Variants in PPP3CA observed in about 807,000 individuals in gnomAD.
The protein encoded by PPP3CA is CAM-PRP catalytic subunit.
In PPP3CA, 14 loss-of-function variants were observed where a neutral mutation model predicts 66.5. The ratio of observed to expected loss-of-function variants is 0.21; its 90% CI spans 0.14 to 0.33. The LOEUF is 0.33. Among genes scored for constraint, PPP3CA ranks in the 10% least tolerant of loss-of-function variants. The pLI, the probability that PPP3CA is intolerant of heterozygous loss-of-function variation, is 1.00. For missense variants in PPP3CA, 317 were observed against 639.5 expected, an observed-to-expected ratio of 0.50 and a Z score of 5.44; for synonymous variants, 232 against 226.2, an observed-to-expected ratio of 1.03 and a Z score of -0.23.
chr4:101,085,849 CACACACACAG>C (rs1435447127), intron 6 of PPP3CA, among the ~76,000 whole-genome samples: 8 of 147,278 alleles, frequency 5.4e-5, no homozygotes, highest in African/African-American at 1.8e-4. Flanking sequence ...CACACACACA[CACACACACAG>C]AGAGAGAGAG....
intron 2 of PPP3CA, among the ~76,000 whole-genome samples, chr4:101,120,592 T>TTTTTTTTTTTTTTTTTTTTTTTGAGACGG: frequency 6.6e-6 from 1 of 151,572 alleles, no homozygotes; most frequent in Non-Finnish European, 1.5e-5. Context: ...CATTTACTTT[T>TTTTTTTTTTTTTTTTTTTTTTTGAGACGG]ATAATGATGT....
intron 1 of PPP3CA, among the ~76,000 whole-genome samples, chr4:101,231,663 A>G (rs1725966884): frequency 6.6e-6 from 1 of 151,724 alleles, no homozygotes; most frequent in African/African-American, 2.4e-5. Context: ...ATTATAACAC[A>G]TATCTTGCTG....
At chr4:101,165,583 A>G (rs141692911) in intron 2 of PPP3CA, among the ~76,000 whole-genome samples, 322 of 152,238 alleles carry the variant, frequency 2.1e-3, no homozygotes, top group African/African-American at 7.3e-3. Context: ...TAAAAGAAAA[A>G]CCCTTGAACA....
chr4:101,286,438 A>G (rs947118494), intron 1 of PPP3CA, among the ~76,000 whole-genome samples: 1 of 152,214 alleles, frequency 6.6e-6, no homozygotes, highest in African/African-American at 2.4e-5. Context: ...AATGATTACA[A>G]ATTATTTAGG....
intron 1 of PPP3CA, among the ~76,000 whole-genome samples, chr4:101,309,100 C>G (rs1347823118): frequency 6.6e-6 from 1 of 152,092 alleles, no homozygotes; most frequent in African/African-American, 2.4e-5. Context: ...GCACTCCAAC[C>G]AGGGTGAAGG....
At chr4:101,237,168 C>T (rs2659529) in intron 1 of PPP3CA, among the ~76,000 whole-genome samples, 16,754 of 149,802 alleles carry the variant, frequency 0.11, 1,347 homozygotes, top group East Asian at 0.31. Flanking sequence ...CTATTATTTT[C>T]TATTATTTAG....
At chr4:101,207,418 A>G (rs1323073209) in intron 1 of PPP3CA, among the ~76,000 whole-genome samples, 1 of 152,232 alleles carries the variant, frequency 6.6e-6, no homozygotes, top group Non-Finnish European at 1.5e-5. Flanking sequence ...AGGGGGACAA[A>G]GGCCTCCTTT....
intron 1 of PPP3CA, among the ~76,000 whole-genome samples, chr4:101,237,576 C>T (rs1027590122): frequency 6.6e-6 from 1 of 152,026 alleles, no homozygotes; most frequent in Non-Finnish European, 1.5e-5. Flanking sequence ...TCTTACTCTA[C>T]TGGCTTTCAT....
chr4:101,299,823 T>TC (rs898100690), intron 1 of PPP3CA, among the ~76,000 whole-genome samples: 2 of 152,074 alleles, frequency 1.3e-5, no homozygotes, highest in Admixed American at 6.6e-5. Context: ...CATTAGGAGG[T>TC]AAGGCCATGT....
Position 101,304,912 on chromosome 4 carries a change from G to A in PPP3CA, c.58+41827C>T, listed in dbSNP as rs142472853. ...CTAACTAAACAGGCCAGTCAGTCTG[G>A]CCCAATTTAAGGAAAAACATTGAGG... On this transcript the variant is annotated intron_variant, in intron 1 of 13. Transcript: ENST00000394854. Among the ~76,000 whole-genome samples, 21 of 152,266 alleles carry A rather than the reference G, an allele frequency of 1.4e-4. No individual in the cohort carries two copies. The South Asian group carries it at 3.7e-3, about 27-fold the overall frequency.
chr4:101,046,728 T>C (rs963933972), intron 10 of PPP3CA, among the ~76,000 whole-genome samples: 2 of 152,150 alleles, frequency 1.3e-5, no homozygotes, highest in African/African-American at 4.8e-5. Context: ...TCAATATTAT[T>C]AAACAGAGTT....
At chr4:101,030,874 T>TA (rs1726918805) in intron 12 of PPP3CA, among the ~76,000 whole-genome samples, 1 of 152,118 alleles carries the variant, frequency 6.6e-6, no homozygotes, top group African/African-American at 2.4e-5. Context: ...GTCAGTTAGG[T>TA]AGATGGTACA....
chr4:101,063,180 C>T, intron 9 of PPP3CA, 52 bp downstream of exon 9: 1 of 1,579,480 alleles, frequency 6.3e-7, no homozygotes. Context: ...AATCTCCTTT[C>T]CTTCCTTCCT....
chr4:101,268,044 T>C (rs1727223138), intron 1 of PPP3CA, among the ~76,000 whole-genome samples: 1 of 152,040 alleles, frequency 6.6e-6, no homozygotes, highest in Admixed American at 6.6e-5. Flanking sequence ...TGGTGGTATG[T>C]GCCTATAGTT....
intron 13 of PPP3CA, among the ~76,000 whole-genome samples, chr4:101,028,781 A>G (rs1402140347): frequency 6.6e-6 from 1 of 152,158 alleles, no homozygotes; most frequent in Admixed American, 6.5e-5. Flanking sequence ...TAAGATGGCT[A>G]TTTTTATTCT....
At position 101,106,463 on chromosome 4, in the gene PPP3CA, A is replaced by AGAAAGAAGAGAAGAGAAGAGAAG. The variant is rs1560605247; in HGVS notation, c.384+2490_384+2491insCTTCTCTTCTCTTCTCTTCTTTC. On this transcript the variant is annotated intron_variant, in intron 3 of 13. Transcript: ENST00000394854. ...AAAGAAAGAAAGAAAGAGAAAAGAA[A>AGAAAGAAGAGAAGAGAAGAGAAG]AGAAAAGAAAAGAAAAGAAAAGAAA... 3.0e-4 allele frequency among the ~76,000 whole-genome samples: 10 copies of AGAAAGAAGAGAAGAGAAGAGAAG among 33,758 alleles called. 2 individuals are homozygous for AGAAAGAAGAGAAGAGAAGAGAAG. Among genetic ancestry groups the AGAAAGAAGAGAAGAGAAGAGAAG allele is most frequent in the African/African-American group, 5.2e-4 (3 of 5,716 alleles). The allele number at this position is 33,758 out of a possible 152,430, so 22.1% of individuals were successfully genotyped here.
chr4:101,324,844 C>T (rs1481813140), intron 1 of PPP3CA, among the ~76,000 whole-genome samples: 1 of 152,146 alleles, frequency 6.6e-6, no homozygotes, highest in African/African-American at 2.4e-5. Context: ...AGTATAAGCC[C>T]GGAATTTCTT....
chr4:101,203,172 A>T (rs981255896), intron 1 of PPP3CA, among the ~76,000 whole-genome samples: 1 of 152,222 alleles, frequency 6.6e-6, no homozygotes, highest in African/African-American at 2.4e-5. Context: ...TGCTACAAGC[A>T]ATTATTTAAT....
chr4:101,031,385 A>AATCT (rs1212650904), intron 12 of PPP3CA, among the ~76,000 whole-genome samples: 1 of 152,202 alleles, frequency 6.6e-6, no homozygotes, highest in Non-Finnish European at 1.5e-5. Context: ...ATCTAATAGC[A>AATCT]ATCTCCTATT....
Sources: allele counts gnomAD v4.1 joint callset (sites outside exome capture counted in the v4.1 genomes callset), GRCh38; gene constraint gnomAD v4.1.1; transcripts MANE v1.5; gene names NCBI Gene and HGNC (gene_info 2026-07-23, HGNC 2026-07-21).